Variants in IL1RAPL1 observed in about 807,000 individuals in gnomAD.
The protein encoded by IL1RAPL1 is interleukin-1 receptor accessory protein-like 1.
A neutral mutation model predicts 48.4 loss-of-function variants in IL1RAPL1; 3 were observed. The ratio of observed to expected loss-of-function variants is 0.06; its 90% CI spans 0.03 to 0.16. The LOEUF is 0.16. Ranked by LOEUF, IL1RAPL1 falls within the 10% of genes least tolerant of loss-of-function variation. The pLI is 1.00. For synonymous variants in IL1RAPL1, 185 were observed against 187.7 expected, an observed-to-expected ratio of 0.99 and a Z score of 0.12; for missense variants, 349 against 530.6, an observed-to-expected ratio of 0.66 and a Z score of 3.36.
At chrX:29,952,954 T>A (rs1485967653) in intron 9 of IL1RAPL1, among the ~76,000 whole-genome samples, 3 of 111,804 alleles carry the variant, frequency 2.7e-5, no homozygotes, top group African/African-American at 6.5e-5. Context: ...AAAGTTATAA[T>A]CATAGAATGA....
At chrX:29,281,823 C>T (rs778906642) in intron 2 of IL1RAPL1, among the ~76,000 whole-genome samples, 4 of 111,821 alleles carry the variant, frequency 3.6e-5, no homozygotes, top group Admixed American at 9.5e-5. Context: ...CTCAGGCTGC[C>T]GTAACAAAAT....
At position 29,516,819 on chromosome X, in the gene IL1RAPL1, T is replaced by C. The variant is rs1247102519; in HGVS notation, c.703+117511T>C. ...TATCTAGCAGTTGAACAGCTGAGTC[T>C]ATATGCATATTTTAAAGTATATTAG... On this transcript the variant is annotated intron_variant, in intron 5 of 10. Transcript: ENST00000378993. Among the ~76,000 whole-genome samples, 4 of 111,153 alleles carry C rather than the reference T, an allele frequency of 3.6e-5. No individual in the cohort carries two copies. The East Asian group carries it at 1.1e-3, about 31-fold the overall frequency.
chrX:29,065,923 C>G (rs141860326), intron 2 of IL1RAPL1, among the ~76,000 whole-genome samples: 3 of 111,887 alleles, frequency 2.7e-5, no homozygotes, highest in African/African-American at 9.7e-5. Flanking sequence ...GCATTGCCAT[C>G]ATAATTTCCT....
At chrX:29,784,298 T>C (rs138646335) in intron 6 of IL1RAPL1, among the ~76,000 whole-genome samples, 2,249 of 111,595 alleles carry the variant, frequency 0.02, 55 homozygotes, top group African/African-American at 0.07. Flanking sequence ...ACCCTATGTG[T>C]TTAACTCTAC....
chrX:29,808,639 A>C (rs1456468697), intron 6 of IL1RAPL1, among the ~76,000 whole-genome samples: 1 of 111,626 alleles, frequency 9.0e-6, no homozygotes, highest in African/African-American at 3.2e-5. Flanking sequence ...AGTGTTGAAA[A>C]GCTACAACTA....
At chrX:29,778,502 A>G (rs1308602302) in intron 6 of IL1RAPL1, among the ~76,000 whole-genome samples, 1 of 111,917 alleles carries the variant, frequency 8.9e-6, no homozygotes, top group Non-Finnish European at 1.9e-5. Context: ...CCTCCAATCT[A>G]CCGCAGTCCC....
In IL1RAPL1 at chrX:29,438,553, C is replaced by T. The variant is rs527573080; in HGVS notation, c.703+39245C>T. 4.5e-5 allele frequency among the ~76,000 whole-genome samples: 5 copies of T among 110,842 alleles called. No individual in the cohort carries two copies. In the South Asian group the frequency reaches 1.9e-3, roughly 42 times the overall value. ...TTTTCTCTTAGCACTGCTTTGGCTACATCCCATAAATGTTGATATACTGTG... is the reference window on the plus strand; with the variant it reads ...TTTTCTCTTAGCACTGCTTTGGCTATATCCCATAAATGTTGATATACTGTG... On this transcript the variant is annotated intron_variant, in intron 5 of 10. Transcript: ENST00000378993.
chrX:29,681,709 C>T (rs921961477), intron 6 of IL1RAPL1, among the ~76,000 whole-genome samples: 1 of 112,133 alleles, frequency 8.9e-6, no homozygotes, highest in Admixed American at 9.5e-5. Context: ...AGTGATTATT[C>T]TTGCTTCATT....
intron 1 of IL1RAPL1, among the ~76,000 whole-genome samples, chrX:28,661,870 T>G (rs1253734374): frequency 8.9e-6 from 1 of 111,899 alleles, no homozygotes; most frequent in East Asian, 2.8e-4. Context: ...AACATCTGCT[T>G]CATGTTTAAA....
chrX:29,574,226 A>G (rs1249982032), intron 5 of IL1RAPL1: 2 of 109,218 alleles, frequency 1.8e-5, no homozygotes, highest in Non-Finnish European at 3.8e-5. Flanking sequence ...ATCTCCTGAG[A>G]ACTTACTCAC....
intron 5 of IL1RAPL1, among the ~76,000 whole-genome samples, chrX:29,514,619 T>G (rs1234919757): frequency 1.8e-5 from 2 of 112,153 alleles, no homozygotes; most frequent in Non-Finnish European, 3.8e-5. Context: ...CGGCTAATTT[T>G]TGTGTTTTTA....
intron 5 of IL1RAPL1, among the ~76,000 whole-genome samples, chrX:29,514,983 T>C (rs1268309751): frequency 8.9e-6 from 1 of 112,208 alleles, no homozygotes; most frequent in Admixed American, 9.5e-5. Flanking sequence ...GCCAGTGTAG[T>C]GGAAGGTGTC....
intron 1 of IL1RAPL1, among the ~76,000 whole-genome samples, chrX:28,612,759 A>C (rs1934166166): frequency 8.9e-6 from 1 of 112,196 alleles, no homozygotes; most frequent in African/African-American, 3.2e-5. Context: ...AAAAAGCTTT[A>C]AACACTAGTA....
intron 6 of IL1RAPL1, among the ~76,000 whole-genome samples, chrX:29,846,584 G>A (rs899372766): frequency 9.1e-6 from 1 of 109,737 alleles, no homozygotes; most frequent in Non-Finnish European, 1.9e-5. Context: ...TTGAAACCAC[G>A]TAATGGGTAG....
chrX:28,669,008 A>G (rs1014382858), intron 1 of IL1RAPL1, among the ~76,000 whole-genome samples: 1 of 111,682 alleles, frequency 9.0e-6, no homozygotes, highest in African/African-American at 3.3e-5. Flanking sequence ...TAAGTGTTTG[A>G]CACGTATTTG....
chrX:29,779,738 T>C (rs1326507068), intron 6 of IL1RAPL1, among the ~76,000 whole-genome samples: 1 of 112,027 alleles, frequency 8.9e-6, no homozygotes, highest in Non-Finnish European at 1.9e-5. Flanking sequence ...CACTTAATAT[T>C]GAGTGCTTCA....
At chrX:29,105,747 G>T (rs1255813919) in intron 2 of IL1RAPL1, among the ~76,000 whole-genome samples, 1 of 110,931 alleles carries the variant, frequency 9.0e-6, no homozygotes, top group East Asian at 2.8e-4. Context: ...CTTCATCTCT[G>T]GCCATTTGTC....
chrX:29,823,851 TA>T (rs1930673250), intron 6 of IL1RAPL1, among the ~76,000 whole-genome samples: 1 of 111,926 alleles, frequency 8.9e-6, no homozygotes, highest in Non-Finnish European at 1.9e-5. Context: ...TATGTCTGTT[TA>T]AATTTTGCTC....
chrX:29,527,326 C>CTTT (rs61003668), intron 5 of IL1RAPL1, among the ~76,000 whole-genome samples: 684 of 25,544 alleles, frequency 0.027, 201 homozygotes, highest in Non-Finnish European at 0.031. Context: ...GGGAAGGACT[C>CTTT]TTTTTTTTTT....
Sources: allele counts gnomAD v4.1 joint callset (sites outside exome capture counted in the v4.1 genomes callset), GRCh38; gene constraint gnomAD v4.1.1; transcripts MANE v1.5; gene names NCBI Gene and HGNC (gene_info 2026-07-23, HGNC 2026-07-21).